Variants in PAPPA observed in about 807,000 individuals in gnomAD.
PAPPA encodes pappalysin-1.
A neutral mutation model predicts 164.0 loss-of-function variants in PAPPA; 60 were observed. The ratio of observed to expected loss-of-function variants is 0.37; its 90% CI spans 0.30 to 0.45. PAPPA has a LOEUF of 0.45. Among genes scored for constraint, PAPPA ranks in the 20% least tolerant of loss-of-function variants. The pLI is 1.00. For missense variants in PAPPA, 1,782 were observed against 2,087.3 expected (o/e 0.85, Z 2.85); for synonymous variants, 875 against 814.1 (o/e 1.07, Z -1.27).
chr9:116,176,322 G>GA (rs1011229627), intron 1 of PAPPA, among the ~76,000 whole-genome samples: 27 of 152,272 alleles, frequency 1.8e-4, no homozygotes, highest in Admixed American at 1.6e-3. Context: ...CTGTTTGGGG[G>GA]AATAGTGAAA....
intron 10 of PAPPA, among the ~76,000 whole-genome samples, chr9:116,310,239 T>A (rs1023430095): frequency 1.3e-5 from 2 of 152,094 alleles, no homozygotes; most frequent in African/African-American, 4.8e-5. Flanking sequence ...ATTCATCTCC[T>A]CTCATTAGTG....
chr9:116,210,986 C>T (rs528873238), intron 3 of PAPPA, among the ~76,000 whole-genome samples: 23 of 152,240 alleles, frequency 1.5e-4, no homozygotes, highest in South Asian at 1.5e-3. Flanking sequence ...TACTCTGCTC[C>T]AGGCCCTGTG....
At chr9:116,267,490 C>A (rs1001831915) in intron 8 of PAPPA, among the ~76,000 whole-genome samples, 1 of 152,174 alleles carries the variant, frequency 6.6e-6, no homozygotes, top group Non-Finnish European at 1.5e-5. Context: ...AAGATAGTAG[C>A]ATGTACAAGA....
At chr9:116,239,759 A>G (rs747977874) in intron 7 of PAPPA, among the ~76,000 whole-genome samples, 2 of 152,122 alleles carry the variant, frequency 1.3e-5, no homozygotes, top group Non-Finnish European at 2.9e-5. Flanking sequence ...ACCACTACCC[A>G]TACTACTTCC....
chr9:116,165,964 C>G (rs1843715139), intron 1 of PAPPA, among the ~76,000 whole-genome samples: 1 of 152,154 alleles, frequency 6.6e-6, no homozygotes, highest in Non-Finnish European at 1.5e-5. Flanking sequence ...CTCAAGTTCT[C>G]TATTGCCTAG....
At position 116,325,597 on chromosome 9, in the gene PAPPA, G is replaced by T. The variant is rs574758547; in HGVS notation, c.3148-5647G>T. ...CGCCCCCAAGGCCAAGTGGACAAGG[G>T]GTCACTTGCCTTTCAATTCCTCCAG... On this transcript the variant is annotated intron_variant, in intron 10 of 21. Transcript: ENST00000328252. 7.9e-4 allele frequency among the ~76,000 whole-genome samples: 121 copies of T among 152,230 alleles called. 1 individual carries two copies. The South Asian group carries it at 0.024, about 30-fold the overall frequency.
At chr9:116,261,166 G>A (rs531381498) in intron 7 of PAPPA, among the ~76,000 whole-genome samples, 3 of 152,302 alleles carry the variant, frequency 2.0e-5, no homozygotes, top group Admixed American at 6.5e-5. Flanking sequence ...AATATGATAC[G>A]TAGTGCGTAG....
At position 116,188,112 on chromosome 9, in the gene PAPPA, C is replaced by T; in HGVS notation, c.1374C>T (p.Asp458=). Residue 458 remains aspartate, a synonymous_variant, in exon 2 of 22, where the codon GAC becomes GAT. Transcript: ENST00000328252. ...AGAAGCAGCACAACGGGGTGTGTGACATGGACTGCAACTATGAACGGTTCA... is the reference window on the plus strand; with the variant it reads ...AGAAGCAGCACAACGGGGTGTGTGATATGGACTGCAACTATGAACGGTTCA... ...FVKKQHNGVC[D]MDCNYERFNF... The T allele has an allele frequency of 6.2e-7, 1 of 1,614,246 alleles. No homozygotes were observed.
chr9:116,387,126 G>A (rs915784522), intron 21 of PAPPA, among the ~76,000 whole-genome samples: 1 of 152,036 alleles, frequency 6.6e-6, no homozygotes, highest in Non-Finnish European at 1.5e-5. Context: ...CTAAATCACA[G>A]GAATTCAGTT....
intron 10 of PAPPA, among the ~76,000 whole-genome samples, chr9:116,322,239 A>G (rs1564225228): frequency 1.3e-5 from 2 of 151,924 alleles, no homozygotes; most frequent in South Asian, 4.2e-4. Context: ...TAAAAACCCC[A>G]TCTCTACTAA....
chr9:116,295,905 G>A (rs898544256), intron 9 of PAPPA, among the ~76,000 whole-genome samples: 2 of 152,150 alleles, frequency 1.3e-5, no homozygotes, highest in African/African-American at 4.8e-5. Context: ...ACAACAAGAA[G>A]CAGATGTTAG....
intron 2 of PAPPA, among the ~76,000 whole-genome samples, chr9:116,196,187 C>T (rs775557064): frequency 3.2e-4 from 48 of 152,172 alleles, no homozygotes; most frequent in African/African-American, 1.1e-3. Flanking sequence ...GTTGGAACTC[C>T]TTTGCGGGGA....
At chr9:116,161,273 G>A (rs1843661846) in intron 1 of PAPPA, among the ~76,000 whole-genome samples, 1 of 152,186 alleles carries the variant, frequency 6.6e-6, no homozygotes, top group African/African-American at 2.4e-5. Context: ...GCCAAATCCT[G>A]CCACTTACTG....
At chr9:116,365,288 T>C (rs1846484911) in intron 18 of PAPPA, among the ~76,000 whole-genome samples, 1 of 152,110 alleles carries the variant, frequency 6.6e-6, no homozygotes, top group African/African-American at 2.4e-5. Flanking sequence ...TCTGTGGCAG[T>C]TATGAGCCCT....
Position 116,198,248 on chromosome 9 carries a change from C to T in PAPPA, c.1479-9208C>T, listed in dbSNP as rs550854857. 6.3e-4 allele frequency among the ~76,000 whole-genome samples: 96 copies of T among 152,266 alleles called. 1 individual carries two copies. Among genetic ancestry groups the T allele is most frequent in the African/African-American group, 2.3e-3 (94 of 41,546 alleles). On this transcript the variant is annotated intron_variant, in intron 2 of 21. Coordinates refer to ENST00000328252, the MANE Select transcript of PAPPA (RefSeq NM_002581.5). ...AGATAATTGTATTACTACTGTGTTG[C>T]TTTTGAACACAGCATCACAATTCAA... is the stretch of plus-strand genomic sequence containing the variant.
At chr9:116,259,578 A>C (rs1013677721) in intron 7 of PAPPA, among the ~76,000 whole-genome samples, 3 of 152,236 alleles carry the variant, frequency 2.0e-5, no homozygotes, top group African/African-American at 7.2e-5. Context: ...GGAAAGGCAA[A>C]ATAAAACAAT....
Position 116,397,723 on chromosome 9 carries a change from C to T in PAPPA, c.*1107C>T, listed in dbSNP as rs1424659850. On this transcript the variant is annotated 3_prime_UTR_variant, in exon 22 of 22. Coordinates refer to ENST00000328252, the MANE Select transcript of PAPPA (RefSeq NM_002581.5). ...TCACTGAAAGTCCAGAATGTCTAAGCCAGTGTTAGATTTTGTAAACAAGTG... is the reference window on the plus strand; with the variant it reads ...TCACTGAAAGTCCAGAATGTCTAAGTCAGTGTTAGATTTTGTAAACAAGTG... 2 of 152,578 alleles carry T rather than the reference C, an allele frequency of 1.3e-5. No homozygotes were observed. Among genetic ancestry groups the T allele is most frequent in the African/African-American group, 4.8e-5 (2 of 41,426 alleles). The allele number at this position is 152,578 out of a possible 1,614,324, so 9.5% of individuals were successfully genotyped here.
chr9:116,187,098 C>A lies in PAPPA; in HGVS notation c.416-56C>A, dbSNP rs1002803656. The A allele has an allele frequency of 2.8e-5, 35 of 1,259,160 alleles. No homozygotes were observed. The highest frequency in any genetic ancestry group is 3.7e-5 in the Non-Finnish European group (32 of 875,712). 78.0% of individuals were successfully genotyped at this position (1,259,160 alleles called of 1,614,324 possible). ...ATTTTATTAGAGAAAAATAACTTAACCCCCCCTCCTTTTCCATCCTTTATT... is the reference window on the plus strand; with the variant it reads ...ATTTTATTAGAGAAAAATAACTTAAACCCCCCTCCTTTTCCATCCTTTATT... On this transcript the variant is annotated intron_variant, in intron 1 of 21. Coordinates refer to ENST00000328252, the MANE Select transcript of PAPPA (RefSeq NM_002581.5). The surrounding 1 kb of genome is among the most constrained non-coding windows in gnomAD (Gnocchi z 4.2).
At chr9:116,253,228 G>A (rs1182167298) in intron 7 of PAPPA, among the ~76,000 whole-genome samples, 1 of 151,444 alleles carries the variant, frequency 6.6e-6, no homozygotes, top group Non-Finnish European at 1.5e-5. Flanking sequence ...GTCTTCCTCT[G>A]CTAGCACTCT....
Sources: gnomAD v4.1 joint callset for allele counts (sites outside exome capture counted in the v4.1 genomes callset) on GRCh38, gnomAD v4.1.1 for gene constraint, Gnocchi (gnomAD v3.1) non-coding constraint, MANE v1.5 for transcripts, NCBI Gene and HGNC (gene_info 2026-07-23, HGNC 2026-07-21) for gene names.